ALDH1A2: variants seen among roughly 807,000 people sequenced by gnomAD.
ALDH1A2 encodes the protein retinal dehydrogenase 2.
In ALDH1A2, 27 loss-of-function variants were observed where a neutral mutation model predicts 60.3. That is an observed-to-expected ratio of 0.45 (90% CI 0.33 to 0.62). The LOEUF (loss-of-function observed/expected upper bound fraction) is 0.62. Ranked by LOEUF, ALDH1A2 falls within the 20% of genes least tolerant of loss-of-function variation. The probability of loss-of-function intolerance (pLI) is 0.02; values close to 1 mark genes in which losing one functional copy is unlikely to be tolerated. For missense variants in ALDH1A2, 581 were observed against 643.8 expected (o/e 0.90, Z 1.06); for synonymous variants, 289 against 232.4 (o/e 1.24, Z -2.21).
intron 4 of ALDH1A2, among the ~76,000 whole-genome samples, chr15:58,006,882 C>CT (rs1274222243): frequency 2.2e-4 from 32 of 146,026 alleles, no homozygotes; most frequent in African/African-American, 7.5e-4. Flanking sequence ...AAAAAGTGTC[C>CT]TTTTTTGTGG....
chr15:58,042,695 T>C (rs1896549011), intron 1 of ALDH1A2, among the ~76,000 whole-genome samples: 1 of 151,952 alleles, frequency 6.6e-6, no homozygotes, highest in South Asian at 2.1e-4. Context: ...TTAAGACAAA[T>C]AGTTTTCATC....
intron 1 of ALDH1A2, among the ~76,000 whole-genome samples, chr15:58,047,977 A>C (rs1437799662): frequency 6.6e-6 from 1 of 152,052 alleles, no homozygotes; most frequent in Middle Eastern, 3.2e-3. Flanking sequence ...GGTTTTAGAA[A>C]GCTTGCTTTG....
chr15:58,014,155 C>A, intron 2 of ALDH1A2, 22 bp downstream of exon 2: 1 of 1,614,102 alleles, frequency 6.2e-7, no homozygotes, highest in Non-Finnish European at 8.5e-7. Context: ...CATAGGAAAT[C>A]TTTTATCTAC....
chr15:58,005,648 T>C (rs898433579), intron 4 of ALDH1A2, among the ~76,000 whole-genome samples: 2 of 151,982 alleles, frequency 1.3e-5, no homozygotes, highest in African/African-American at 2.4e-5. Context: ...TTATGCTGGA[T>C]GAACCATGGA....
chr15:58,059,128 T>C (rs1246664373), intron 1 of ALDH1A2, among the ~76,000 whole-genome samples: 1 of 152,164 alleles, frequency 6.6e-6, no homozygotes, highest in Admixed American at 6.5e-5. Flanking sequence ...GAAATACCAG[T>C]GATAAGTAAT....
chr15:57,994,611 G>C (rs943567609), intron 5 of ALDH1A2, among the ~76,000 whole-genome samples: 1 of 152,120 alleles, frequency 6.6e-6, no homozygotes, highest in Non-Finnish European at 1.5e-5. Context: ...AATTATGACT[G>C]TGACGTTAAC....
Position 57,954,076 on chromosome 15 carries a change from C to A in ALDH1A2, c.*1121G>T, listed in dbSNP as rs575901986. On this transcript the variant is annotated 3_prime_UTR_variant, in exon 13 of 13. Transcript: ENST00000249750. ...GCTCAGTGGAGCACGGCAGTCCTGG[C>A]ACAATGGAACTTGGCAAATGGAAAA... is the stretch of plus-strand genomic sequence containing the variant. The A allele has an allele frequency of 6.6e-5, 10 of 152,526 alleles. No homozygotes were observed. The highest frequency in any genetic ancestry group is 2.6e-4 in the Admixed American group (4 of 15,302). 9.4% of individuals were successfully genotyped at this position (152,526 alleles called of 1,614,324 possible). A position where few individuals can be genotyped will look rare whatever the true frequency, so the allele number is the denominator to read the frequency against.
At chr15:58,000,029 GAAC>G (rs1462854800) in intron 4 of ALDH1A2, among the ~76,000 whole-genome samples, 3 of 151,846 alleles carry the variant, frequency 2.0e-5, no homozygotes, top group Admixed American at 6.6e-5. Context: ...ACAGGAAGGG[GAAC>G]AACAGACATT....
intron 1 of ALDH1A2, among the ~76,000 whole-genome samples, chr15:58,040,297 T>C (rs1312832686): frequency 6.6e-6 from 1 of 151,864 alleles, no homozygotes; most frequent in African/African-American, 2.4e-5. Flanking sequence ...ACATTCTTTC[T>C]CAAGAGCTGT....
chr15:58,059,876 ATAAT>A lies in ALDH1A2; in HGVS notation c.117+5654_117+5657del, dbSNP rs1278632462. 7.6e-3 allele frequency among the ~76,000 whole-genome samples: 1,157 copies of A among 152,268 alleles called. 15 individuals are homozygous for A. The highest frequency in any genetic ancestry group is 0.026 in the African/African-American group (1,098 of 41,548). ...AATGCACATAATAAATGTAATAAAAATAATTAAAAGAATACATAAAACAGACCGG... is the reference window on the plus strand; with the variant it reads ...AATGCACATAATAAATGTAATAAAAATAAAAGAATACATAAAACAGACCGG... On this transcript the variant is annotated intron_variant, in intron 1 of 12. Coordinates refer to ENST00000249750, the MANE Select transcript of ALDH1A2 (RefSeq NM_003888.4).
intron 1 of ALDH1A2, among the ~76,000 whole-genome samples, chr15:58,031,036 C>G (rs1259986521): frequency 6.6e-6 from 1 of 151,958 alleles, no homozygotes; most frequent in African/African-American, 2.4e-5. Context: ...AACTAAAGTT[C>G]ACATAGAACC....
chr15:57,991,640 AAG>A (rs1894898857), intron 7 of ALDH1A2: 1 of 152,218 alleles, frequency 6.6e-6, no homozygotes, highest in African/African-American at 2.4e-5. Flanking sequence ...GCATATGAAA[AAG>A]AATGCAAAAT....
intron 1 of ALDH1A2, among the ~76,000 whole-genome samples, chr15:58,036,202 T>C (rs1477363246): frequency 1.3e-5 from 2 of 151,596 alleles, no homozygotes; most frequent in African/African-American, 2.4e-5. Context: ...TTGCTAGAAG[T>C]ACAAATTTAG....
At chr15:58,026,738 TCCCATGCCCACGGAGC>T (rs1896090420) in intron 1 of ALDH1A2, among the ~76,000 whole-genome samples, 1 of 152,088 alleles carries the variant, frequency 6.6e-6, no homozygotes, top group Non-Finnish European at 1.5e-5. Context: ...GTTCGGCGGG[TCCCATGCCCACGGAGC>T]CTTGCTCACT....
intron 4 of ALDH1A2, among the ~76,000 whole-genome samples, chr15:58,006,497 A>C (rs1237493769): frequency 5.3e-5 from 8 of 151,870 alleles, no homozygotes; most frequent in Non-Finnish European, 1.0e-4. Context: ...TGTCTTTTTC[A>C]TATAATGAAT....
intron 7 of ALDH1A2, among the ~76,000 whole-genome samples, chr15:57,975,137 A>T (rs1471538428): frequency 2.0e-5 from 3 of 152,204 alleles, no homozygotes; most frequent in Non-Finnish European, 4.4e-5. Context: ...GGTATAACCG[A>T]TTTGGAAAAC....
Position 57,995,155 on chromosome 15 carries a change from A to G in ALDH1A2, c.494-16T>C, listed in dbSNP as rs1331990958. 5 of 1,577,270 alleles carry G rather than the reference A, an allele frequency of 3.2e-6. No individual in the cohort carries two copies. Among genetic ancestry groups the G allele is most frequent in the East Asian group, 2.4e-5 (1 of 41,638 alleles). On this transcript the variant is annotated splice_polypyrimidine_tract_variant and intron_variant, in intron 4 of 12. Coordinates refer to ENST00000249750, the MANE Select transcript of ALDH1A2 (RefSeq NM_003888.4). ...TAGTCTCCATCTGAAAGAAAAAAGC[A>G]TGGTCACTCCCAGAAAGTTTAGATT...
chr15:57,974,357 C>T (rs1436703057), intron 7 of ALDH1A2, among the ~76,000 whole-genome samples: 5 of 146,246 alleles, frequency 3.4e-5, no homozygotes, highest in Non-Finnish European at 5.9e-5. Flanking sequence ...GGCATAAACC[C>T]GGGAGGCAGA....
chr15:58,042,716 T>C (rs1431092911), intron 1 of ALDH1A2, among the ~76,000 whole-genome samples: 1 of 151,900 alleles, frequency 6.6e-6, no homozygotes, highest in Non-Finnish European at 1.5e-5. Flanking sequence ...CAGAACATGA[T>C]TCTAGATAAA....
Sources: allele counts gnomAD v4.1 joint callset (sites outside exome capture counted in the v4.1 genomes callset), GRCh38; gene constraint gnomAD v4.1.1; transcripts MANE v1.5; gene names NCBI Gene and HGNC (gene_info 2026-07-23, HGNC 2026-07-21).